The following ZFAND6 variants were observed in gnomAD, a reference collection of about 807,000 sequenced individuals.
ZFAND6 encodes the protein zinc finger AN1-type containing 6.
ZFAND6 carries 12 observed loss-of-function variants against 24.5 expected under a neutral mutation model. The ratio of observed to expected loss-of-function variants is 0.49; its 90% CI spans 0.31 to 0.79. The LOEUF is 0.79. ZFAND6 is among the 30% of genes least tolerant of loss of function. The pLI is 0.04. For missense variants in ZFAND6, 207 were observed against 245.9 expected (o/e 0.84, Z 1.06); for synonymous variants, 92 against 81.5 (o/e 1.13, Z -0.69).
chr15:80,084,179 A>G (rs184956073), intron 1 of ZFAND6, among the ~76,000 whole-genome samples: 2 of 152,326 alleles, frequency 1.3e-5, no homozygotes, highest in East Asian at 1.9e-4. Context: ...GCACACACAT[A>G]GTTGCTGCAA....
chr15:80,087,670 A>G (rs555477748), intron 1 of ZFAND6, among the ~76,000 whole-genome samples: 10 of 152,306 alleles, frequency 6.6e-5, no homozygotes, highest in Non-Finnish European at 1.5e-4. Context: ...AGAGGAAATC[A>G]TATAGTTTTG....
intron 6 of ZFAND6, among the ~76,000 whole-genome samples, chr15:80,136,716 A>G (rs1431902041): frequency 2.0e-5 from 3 of 152,228 alleles, no homozygotes; most frequent in African/African-American, 7.2e-5. Flanking sequence ...ATTGTATCAT[A>G]CCATAAAATT....
chr15:80,090,746 A>G (rs1047509031), intron 1 of ZFAND6, among the ~76,000 whole-genome samples: 1 of 152,226 alleles, frequency 6.6e-6, no homozygotes, highest in African/African-American at 2.4e-5. Flanking sequence ...TAGAACTTTG[A>G]AACCTGAGCT....
At chr15:80,113,406 G>A (rs1490771498) in intron 2 of ZFAND6, among the ~76,000 whole-genome samples, 1 of 152,044 alleles carries the variant, frequency 6.6e-6, no homozygotes, top group Non-Finnish European at 1.5e-5. Context: ...TATGGCTATG[G>A]GTCAGATTTA....
intron 2 of ZFAND6, among the ~76,000 whole-genome samples, chr15:80,101,587 G>C (rs573759501): frequency 6.6e-6 from 1 of 152,252 alleles, no homozygotes; most frequent in African/African-American, 2.4e-5. Context: ...GGACAACACT[G>C]TTCTAGATAG....
chr15:80,082,642 G>A (rs914968670), intron 1 of ZFAND6, among the ~76,000 whole-genome samples: 2 of 152,150 alleles, frequency 1.3e-5, no homozygotes, highest in Non-Finnish European at 2.9e-5. Context: ...GTGACTTTCT[G>A]GGAAAGGTAG....
chr15:80,133,994 T>G (rs1596323752), intron 6 of ZFAND6, among the ~76,000 whole-genome samples: 1 of 152,042 alleles, frequency 6.6e-6, no homozygotes, highest in African/African-American at 2.4e-5. Flanking sequence ...TTGGGTTTTT[T>G]TTTTTTTTTT....
chr15:80,104,401 C>T (rs1244704999), intron 2 of ZFAND6, among the ~76,000 whole-genome samples: 1 of 152,138 alleles, frequency 6.6e-6, no homozygotes, highest in Non-Finnish European at 1.5e-5. Flanking sequence ...TGCCTGTAAT[C>T]CCAGCTACTT....
chr15:80,104,497 C>T (rs931117614), intron 2 of ZFAND6, among the ~76,000 whole-genome samples: 35 of 151,814 alleles, frequency 2.3e-4, no homozygotes, highest in East Asian at 1.9e-4. Context: ...CCAGCCTGGG[C>T]GACAGAGTGA....
At position 80,067,236 on chromosome 15, in the gene ZFAND6, A is replaced by G. The variant is rs112947327; in HGVS notation, c.-181+7427A>G. 9.5e-4 allele frequency among the ~76,000 whole-genome samples: 145 copies of G among 152,276 alleles called. 1 individual carries two copies. Among genetic ancestry groups the G allele is most frequent in the African/African-American group, 2.6e-3 (108 of 41,558 alleles). On this transcript the variant is annotated intron_variant, in intron 1 of 6. Coordinates refer to ENST00000261749, the MANE Select transcript of ZFAND6 (RefSeq NM_019006.4). ...CTGCTTCCACCCCTCCTGCCTTCCT[A>G]TGGAGTTTTGATTTTGTAATCCAAA... is the stretch of plus-strand genomic sequence containing the variant.
At chr15:80,069,471 C>T (rs1337567716) in intron 1 of ZFAND6, among the ~76,000 whole-genome samples, 1 of 152,076 alleles carries the variant, frequency 6.6e-6, no homozygotes, top group Non-Finnish European at 1.5e-5. Context: ...CCTTTGTGTT[C>T]AGTGTTTGAC....
intron 1 of ZFAND6, among the ~76,000 whole-genome samples, chr15:80,063,948 A>G (rs1464920213): frequency 2.0e-5 from 3 of 152,182 alleles, no homozygotes; most frequent in African/African-American, 7.2e-5. Flanking sequence ...TTGGCCTCCC[A>G]AAGTGCTGGG....
intron 1 of ZFAND6, among the ~76,000 whole-genome samples, chr15:80,087,815 C>T (rs989753727): frequency 6.6e-6 from 1 of 152,058 alleles, no homozygotes; most frequent in Non-Finnish European, 1.5e-5. Context: ...ATACTGTGTC[C>T]TGTTTGCTTT....
At chr15:80,117,910 T>G (rs577669968) in intron 2 of ZFAND6, among the ~76,000 whole-genome samples, 36 of 152,108 alleles carry the variant, frequency 2.4e-4, no homozygotes, top group South Asian at 1.0e-3. Context: ...CTCACTAGTA[T>G]TATTATGAAA....
At chr15:80,095,107 C>G (rs549115554) in intron 1 of ZFAND6, among the ~76,000 whole-genome samples, 16 of 152,200 alleles carry the variant, frequency 1.1e-4, no homozygotes, top group Admixed American at 2.6e-4. Flanking sequence ...AGAATCCAAC[C>G]CATAATCATT....
intron 5 of ZFAND6, among the ~76,000 whole-genome samples, chr15:80,124,875 T>C (rs1217394209): frequency 6.6e-6 from 1 of 152,204 alleles, no homozygotes; most frequent in Non-Finnish European, 1.5e-5. Context: ...TAAAATCTCT[T>C]AACAACCTAG....
chr15:80,103,812 T>C (rs2039163112), intron 2 of ZFAND6, among the ~76,000 whole-genome samples: 1 of 152,188 alleles, frequency 6.6e-6, no homozygotes, highest in Non-Finnish European at 1.5e-5. Context: ...TTATGAAGGA[T>C]TGCCTAAATG....
intron 1 of ZFAND6, among the ~76,000 whole-genome samples, chr15:80,069,560 C>G (rs1000286422): frequency 6.6e-6 from 1 of 152,140 alleles, no homozygotes; most frequent in Non-Finnish European, 1.5e-5. Flanking sequence ...AGGAGAGATA[C>G]ACCAGGAATT....
rs539114030 is a variant in ZFAND6 at position 80,102,645 on chromosome 15, C to T, written c.-18+4067C>T. ...TTAATTTAGAGTCTTTCAGGAAGGA[C>T]TAGGTTTCAGTTAGTGGTTTTATTG... On this transcript the variant is annotated intron_variant, in intron 2 of 6. Transcript: ENST00000261749. 2.0e-5 allele frequency among the ~76,000 whole-genome samples: 3 copies of T among 152,216 alleles called. No individual in the cohort carries two copies. In the South Asian group the frequency reaches 6.2e-4, roughly 32 times the overall value.
Sources: allele counts gnomAD v4.1 joint callset (sites outside exome capture counted in the v4.1 genomes callset), GRCh38; gene constraint gnomAD v4.1.1; transcripts MANE v1.5; gene names NCBI Gene and HGNC (gene_info 2026-07-23, HGNC 2026-07-21).